STC1: variants seen among roughly 807,000 people sequenced by gnomAD.
The protein encoded by STC1 is stanniocalcin 1, also known as stanniocalcin-1.
STC1 carries 7 observed loss-of-function variants against 22.6 expected under a neutral mutation model. The ratio of observed to expected loss-of-function variants is 0.31; its 90% CI spans 0.18 to 0.58. The LOEUF is 0.58. STC1 is among the 20% of genes least tolerant of loss of function. The pLI is 0.89. For missense variants in STC1, 224 were observed against 311.0 expected (o/e 0.72, Z 2.10); for synonymous variants, 113 against 120.7 (o/e 0.94, Z 0.42).
rs1802561302 is a variant in STC1, at chr8:23,845,464, T to C, written c.474-424A>G. Among the ~76,000 whole-genome samples the C allele has an allele frequency of 2.0e-5, 3 of 152,290 alleles. No homozygotes were observed. In the South Asian group the frequency reaches 6.2e-4, roughly 32 times the overall value. The stretch of plus-strand genomic sequence containing the variant: ...TAGAATGAAGTGAGTCCAATGCTCA[T>C]CACTGAGATTAGTAGCCATTGTACA... On this transcript the variant is annotated intron_variant, in intron 3 of 3. Coordinates refer to ENST00000290271, the MANE Select transcript of STC1 (RefSeq NM_003155.3).
intron 2 of STC1, 63 bp from the exon 3 acceptor site, chr8:23,851,594 T>G: frequency 6.6e-7 from 1 of 1,510,362 alleles, no homozygotes; most frequent in East Asian, 2.3e-5. Flanking sequence ...GATGGGCATA[T>G]ACATGGAGGA....
intron 1 of STC1, chr8:23,854,088 T>C: frequency 8.5e-7 from 1 of 1,172,378 alleles, no homozygotes; most frequent in Non-Finnish European, 1.1e-6. Flanking sequence ...CTTTGAAGCA[T>C]GCCAACATTC....
At chr8:23,850,397 T>A (rs1195445139) in intron 3 of STC1, among the ~76,000 whole-genome samples, 2 of 151,890 alleles carry the variant, frequency 1.3e-5, no homozygotes, top group African/African-American at 4.8e-5. Flanking sequence ...AGGCTGGGAG[T>A]CAAGTTTTTA....
chr8:23,842,019 A>G lies in STC1; in HGVS notation c.*2751T>C, dbSNP rs1038718702. 5.9e-5 allele frequency: 9 copies of G among 152,616 alleles called. No homozygotes were observed. Among genetic ancestry groups the G allele is most frequent in the Admixed American group, 4.6e-4 (7 of 15,276 alleles). The allele number at this position is 152,616 out of a possible 1,614,324, so 9.5% of individuals were successfully genotyped here. On this transcript the variant is annotated 3_prime_UTR_variant, in exon 4 of 4. Transcript: ENST00000290271. ...TATGGCATCTTTAATTATAAAAATAAGCAAATAAAATAACTTGCATCTGTC... is the reference window on the plus strand; with the variant it reads ...TATGGCATCTTTAATTATAAAAATAGGCAAATAAAATAACTTGCATCTGTC...
At chr8:23,846,932 C>T (rs1563341728) in intron 3 of STC1, among the ~76,000 whole-genome samples, 2 of 152,186 alleles carry the variant, frequency 1.3e-5, no homozygotes, top group Admixed American at 6.5e-5. Context: ...GATCTCCAGG[C>T]ATCACCTGGC....
chr8:23,852,269 C>T lies in STC1; in HGVS notation c.234G>A (p.Leu78=). 1 of 1,614,092 alleles carries T rather than the reference C, an allele frequency of 6.2e-7. No individual in the cohort carries two copies. Among genetic ancestry groups the T allele is most frequent in the Non-Finnish European group, 8.5e-7 (1 of 1,180,014 alleles). The part of the protein sequence containing the change: ...DGMYDICKSF[L]YSAAKFDTQG... ...GAGTGTCAAATTTAGCAGCGCTGTACAAGAAGGATTTACAGATGTCATACA... is the reference window on the plus strand; with the variant it reads ...GAGTGTCAAATTTAGCAGCGCTGTATAAGAAGGATTTACAGATGTCATACA... The change falls in exon 2 of 4, where the codon TTG becomes TTA. Residue 78 remains leucine, a synonymous_variant. Transcript: ENST00000290271.
At position 23,842,499 on chromosome 8, in the gene STC1, AAAAAAAG is replaced by A. The variant is rs1443541385; in HGVS notation, c.*2264_*2270del. On this transcript the variant is annotated 3_prime_UTR_variant, in exon 4 of 4. Coordinates refer to ENST00000290271, the MANE Select transcript of STC1 (RefSeq NM_003155.3). ...AGGTCACAGCCAAAAAAAAAAAAAA[AAAAAAAG>A]AAAAGAAAAAAGGAAATCTACTGAA... The A allele has an allele frequency of 7.9e-5, 12 of 152,078 alleles. No homozygotes were observed. Among genetic ancestry groups the A allele is most frequent in the African/African-American group, 2.7e-4 (11 of 41,390 alleles). 9.4% of individuals were successfully genotyped at this position (152,078 alleles called of 1,614,324 possible). A position where few individuals can be genotyped will look rare whatever the true frequency, so the allele number is the denominator to read the frequency against.
At chr8:23,854,135 A>C in intron 1 of STC1, 2 of 1,271,990 alleles carry the variant, frequency 1.6e-6, no homozygotes, top group Non-Finnish European at 2.0e-6. Flanking sequence ...CCCCTCCAAG[A>C]GGGTACGTGC....
In STC1 at chr8:23,852,296, C is replaced by G. The variant is rs1802647020; in HGVS notation, c.207G>C (p.Gly69=). The G allele has an allele frequency of 6.2e-7, 1 of 1,613,936 alleles. No individual in the cohort carries two copies. The highest frequency in any genetic ancestry group is 8.5e-7 in the Non-Finnish European group (1 of 1,179,828). Residue 69 remains glycine (G), a synonymous_variant, in exon 2 of 4, where the codon GGG becomes GGC. Coordinates refer to ENST00000290271, the MANE Select transcript of STC1 (RefSeq NM_003155.3). ...AGAAGGATTTACAGATGTCATACAT[C>G]CCATCTGTGTCACAGGTGGAGTTTT... ...CLENSTCDTD[G]MYDICKSFLY...
intron 1 of STC1, 119 bp downstream of exon 1, chr8:23,854,287 C>A (rs1802672413): frequency 4.8e-6 from 5 of 1,031,500 alleles, no homozygotes; most frequent in African/African-American, 4.8e-5. Flanking sequence ...CAGTTTATTG[C>A]CATCAGGCAT....
chr8:23,852,393 G>A lies in STC1; in HGVS notation c.119-9C>T, dbSNP rs760350336. Reference sequence around the variant, plus strand: ...GCAACGAACCACTTCAGCTGAAAGAGACAAATCCATCCATTCTGGGTCAAA... The same window carrying A: ...GCAACGAACCACTTCAGCTGAAAGAAACAAATCCATCCATTCTGGGTCAAA... On this transcript the variant is annotated splice_polypyrimidine_tract_variant and intron_variant, in intron 1 of 3. Coordinates refer to ENST00000290271, the MANE Select transcript of STC1 (RefSeq NM_003155.3). 8.2e-6 allele frequency: 13 copies of A among 1,585,670 alleles called. No individual in the cohort carries two copies. In the East Asian group the frequency reaches 2.5e-4, roughly 30 times the overall value.
rs1439815052 is a variant in STC1, at chr8:23,841,957, A to G, written c.*2813T>C. On this transcript the variant is annotated 3_prime_UTR_variant, in exon 4 of 4. Transcript: ENST00000290271. ...AACGTAACACTTTATTATTATTTTT[A>G]TCTTAGAAGGAATTCACCAAAGGCT... 6.6e-6 allele frequency: 1 copy of G among 152,606 alleles called. No individual in the cohort carries two copies. Among genetic ancestry groups the G allele is most frequent in the Non-Finnish European group, 1.5e-5 (1 of 68,028 alleles). The allele number at this position is 152,606 out of a possible 1,614,324, so 9.5% of individuals were successfully genotyped here. A position where few individuals can be genotyped will look rare whatever the true frequency, so the allele number is the denominator to read the frequency against.
chr8:23,851,625 G>A (rs1318330646), intron 2 of STC1, 94 bp from the exon 3 acceptor site: 3 of 1,080,918 alleles, frequency 2.8e-6, no homozygotes, highest in Non-Finnish European at 4.1e-6. Flanking sequence ...GCTCATCTGG[G>A]CAACGTATCA....
At position 23,844,762 on chromosome 8, in the gene STC1, C is replaced by A; in HGVS notation, c.*8G>T. 6.2e-7 allele frequency: 1 copy of A among 1,612,470 alleles called. No individual in the cohort carries two copies. The highest frequency in any genetic ancestry group is 1.1e-5 in the South Asian group (1 of 91,058). On this transcript the variant is annotated 3_prime_UTR_variant, in exon 4 of 4. Coordinates refer to ENST00000290271, the MANE Select transcript of STC1 (RefSeq NM_003155.3). ...AGTTTGGTGAGGTTGTGAATAACCT[C>A]TCCCTGGTTATGCACTCTCATGGGA... is the stretch of plus-strand genomic sequence containing the variant.
intron 3 of STC1, among the ~76,000 whole-genome samples, chr8:23,848,726 T>G (rs1802602865): frequency 6.6e-6 from 1 of 151,756 alleles, no homozygotes; most frequent in African/African-American, 2.4e-5. Context: ...TGATAAAGAA[T>G]AAGATCAGAT....
chr8:23,844,458 T>C lies in STC1; in HGVS notation c.*312A>G. On this transcript the variant is annotated 3_prime_UTR_variant, in exon 4 of 4. Coordinates refer to ENST00000290271, the MANE Select transcript of STC1 (RefSeq NM_003155.3). ...AAATTACAATGGCTGGAGAGTTACATGAATGTTTTGTGTTTGGGGGTGGTC... is the reference window on the plus strand; with the variant it reads ...AAATTACAATGGCTGGAGAGTTACACGAATGTTTTGTGTTTGGGGGTGGTC... The C allele has an allele frequency of 2.7e-6, 1 of 375,912 alleles. No homozygotes were observed. 23.3% of individuals were successfully genotyped at this position (375,912 alleles called of 1,614,324 possible).
At chr8:23,848,804 G>A (rs192471850) in intron 3 of STC1, among the ~76,000 whole-genome samples, 1 of 152,078 alleles carries the variant, frequency 6.6e-6, no homozygotes, top group East Asian at 1.9e-4. Flanking sequence ...AACGTTCTGT[G>A]TGAGGGTTTA....
rs377142830 is a variant in STC1 at position 23,851,540 on chromosome 8, G to C, written c.262-9C>G. 2 of 1,613,878 alleles carry C rather than the reference G, an allele frequency of 1.2e-6. No individual in the cohort carries two copies. The highest frequency in any genetic ancestry group is 1.7e-6 in the Non-Finnish European group (2 of 1,179,890). Reference sequence around the variant, plus strand: ...TTGACGAATGCTTTTCCCTGCCATGGAGGAAGGACAAGAGGGAGGTCTTTA... The same window carrying C: ...TTGACGAATGCTTTTCCCTGCCATGCAGGAAGGACAAGAGGGAGGTCTTTA... On this transcript the variant is annotated splice_polypyrimidine_tract_variant and intron_variant, in intron 2 of 3. Transcript: ENST00000290271.
rs185324221 is a variant in STC1 at position 23,849,759 on chromosome 8, G to A, written c.473+1561C>T. 1.6e-3 allele frequency among the ~76,000 whole-genome samples: 249 copies of A among 152,176 alleles called. 2 individuals carry two copies. Among genetic ancestry groups the A allele is most frequent in the African/African-American group, 5.5e-3 (229 of 41,530 alleles). ...AAATTGTAATAGTGGCTTTGCTAATGTACCTCTCCCCCCACCCCTAACTAC... is the reference window on the plus strand; with the variant it reads ...AAATTGTAATAGTGGCTTTGCTAATATACCTCTCCCCCCACCCCTAACTAC... On this transcript the variant is annotated intron_variant, in intron 3 of 3. Transcript: ENST00000290271.
Sources: gnomAD v4.1 joint callset for allele counts (sites outside exome capture counted in the v4.1 genomes callset) on GRCh38, gnomAD v4.1.1 for gene constraint, MANE v1.5 for transcripts, NCBI Gene and HGNC (gene_info 2026-07-23, HGNC 2026-07-21) for gene names.